Variants in HPSE2 observed in about 807,000 individuals in gnomAD.
HPSE2 encodes heparanase 2 (inactive), also known as inactive heparanase-2.
Under a neutral mutation model 60.5 loss-of-function variants are expected in HPSE2, and 38 were observed. The observed-to-expected ratio is 0.63, with a 90% CI of 0.48 to 0.82. The LOEUF (loss-of-function observed/expected upper bound fraction) is 0.82. Ranked by LOEUF, HPSE2 falls within the 40% of genes least tolerant of loss-of-function variation. The pLI, the probability that HPSE2 is intolerant of heterozygous loss-of-function variation, is 0.00. For synonymous variants in HPSE2, 295 were observed against 293.2 expected, an observed-to-expected ratio of 1.01 and a Z score of -0.06; for missense variants, 713 against 740.4, an observed-to-expected ratio of 0.96 and a Z score of 0.43.
the HPSE2 span, among the ~76,000 whole-genome samples, chr10:99,313,390 G>A: frequency 5.9e-5 from 9 of 152,130 alleles, no homozygotes; most frequent in Non-Finnish European, 1.5e-5. Flanking sequence ...CTGAAGATGT[G>A]AGAGAAGTGC....
rs563678544 is a variant in HPSE2 at position 98,869,805 on chromosome 10, C to T, written c.611-125749G>A. Among the ~76,000 whole-genome samples the T allele has an allele frequency of 3.3e-5, 5 of 152,256 alleles. No individual in the cohort carries two copies. The South Asian group carries it at 6.2e-4, about 19-fold the overall frequency. The stretch of plus-strand genomic sequence containing the variant: ...ATGGGCAAGTAATTTCTCTTTTCCT[C>T]TCAGCCATAGTTTCCTTCCGAAGTG... On this transcript the variant is annotated intron_variant, in intron 3 of 11. Transcript: ENST00000370552.
At chr10:98,864,912 G>A (rs1466922404) in intron 3 of HPSE2, among the ~76,000 whole-genome samples, 1 of 152,104 alleles carries the variant, frequency 6.6e-6, no homozygotes, top group Non-Finnish European at 1.5e-5. Context: ...ATGGCTTGCA[G>A]ACCATTTCCT....
chr10:99,013,954 C>G (rs1229694533), intron 3 of HPSE2: 3 of 419,524 alleles, frequency 7.2e-6, no homozygotes, highest in Non-Finnish European at 9.9e-6. Context: ...AATTCCCATT[C>G]TCGGGCAGTG....
intron 5 of HPSE2, among the ~76,000 whole-genome samples, chr10:98,694,645 T>C (rs1948164354): frequency 6.6e-6 from 1 of 152,228 alleles, no homozygotes; most frequent in South Asian, 2.1e-4. Flanking sequence ...TCTGTGTTTC[T>C]GGAGGCTTCA....
chr10:98,954,223 C>A (rs577227404), intron 3 of HPSE2, among the ~76,000 whole-genome samples: 1 of 152,038 alleles, frequency 6.6e-6, no homozygotes, highest in East Asian at 1.9e-4. Flanking sequence ...CAGGAGATCA[C>A]TTGAACCCGG....
At chr10:98,631,513 C>G (rs1203373718) in intron 7 of HPSE2, among the ~76,000 whole-genome samples, 1 of 152,178 alleles carries the variant, frequency 6.6e-6, no homozygotes, top group African/African-American at 2.4e-5. Flanking sequence ...GTCATAGGTT[C>G]CAGCAGCCTC....
chr10:98,711,465 A>G (rs937963898), intron 5 of HPSE2, among the ~76,000 whole-genome samples: 2 of 152,158 alleles, frequency 1.3e-5, no homozygotes, highest in African/African-American at 4.8e-5. Flanking sequence ...TCAGAAAAAT[A>G]GCATCACTGA....
At chr10:98,621,943 C>A in intron 7 of HPSE2, among the ~76,000 whole-genome samples, 1 of 152,204 alleles carries the variant, frequency 6.6e-6, no homozygotes, top group East Asian at 1.9e-4. Context: ...CAGCTATGCA[C>A]TAATGAGGCT....
At chr10:98,858,970 C>T (rs764384176) in intron 3 of HPSE2, among the ~76,000 whole-genome samples, 12 of 152,070 alleles carry the variant, frequency 7.9e-5, no homozygotes, top group Non-Finnish European at 1.5e-4. Context: ...ACTTTATTGC[C>T]CGGGCTGGAG....
At chr10:99,179,992 C>G (rs1450898729) in intron 2 of HPSE2, among the ~76,000 whole-genome samples, 1 of 152,070 alleles carries the variant, frequency 6.6e-6, no homozygotes, top group Non-Finnish European at 1.5e-5. Flanking sequence ...ACAAACCTGA[C>G]AAAAACAAGA....
rs116701257 is a variant in HPSE2 at position 98,483,144 on chromosome 10, T to C, written c.1467-362A>G. ...AAAAGAAAATTCCCCATAACCCTCA[T>C]ATCTTGAGATATGATAATATTTTGG... is the stretch of plus-strand genomic sequence containing the variant. On this transcript the variant is annotated intron_variant, in intron 10 of 11. Coordinates refer to ENST00000370552, the MANE Select transcript of HPSE2 (RefSeq NM_021828.5). Among the ~76,000 whole-genome samples, 392 of 152,332 alleles carry C rather than the reference T, an allele frequency of 2.6e-3. 3 individuals carry two copies. The highest frequency in any genetic ancestry group is 8.9e-3 in the African/African-American group (371 of 41,592).
At chr10:98,662,562 G>A (rs1947253162) in intron 6 of HPSE2, among the ~76,000 whole-genome samples, 1 of 152,168 alleles carries the variant, frequency 6.6e-6, no homozygotes, top group South Asian at 2.1e-4. Flanking sequence ...GAGAGTGAAG[G>A]ATGGGAGGAG....
chr10:98,663,283 C>T (rs1472334319), intron 6 of HPSE2, among the ~76,000 whole-genome samples: 1 of 151,944 alleles, frequency 6.6e-6, no homozygotes, highest in Non-Finnish European at 1.5e-5. Flanking sequence ...AACTTATATT[C>T]TAGAAGGAAC....
At chr10:99,136,457 A>C (rs918644680) in intron 3 of HPSE2, among the ~76,000 whole-genome samples, 2 of 152,200 alleles carry the variant, frequency 1.3e-5, no homozygotes, top group Non-Finnish European at 2.9e-5. Flanking sequence ...TTTCAGGCCA[A>C]TATCCCTGAT....
At chr10:99,114,542 GTT>G (rs1352820393) in intron 3 of HPSE2, among the ~76,000 whole-genome samples, 1 of 152,162 alleles carries the variant, frequency 6.6e-6, no homozygotes, top group Non-Finnish European at 1.5e-5. Context: ...CATGGAGGAA[GTT>G]CATTCTGAAA....
chr10:98,709,122 T>C (rs547025761), intron 5 of HPSE2, among the ~76,000 whole-genome samples: 2 of 152,240 alleles, frequency 1.3e-5, no homozygotes, highest in Non-Finnish European at 2.9e-5. Context: ...GATAGATTGT[T>C]CTGCTCTCTA....
chr10:98,589,359 G>A (rs568170098), intron 9 of HPSE2, among the ~76,000 whole-genome samples: 33 of 152,320 alleles, frequency 2.2e-4, no homozygotes, highest in African/African-American at 7.9e-4. Flanking sequence ...TCTCTTGAGT[G>A]TTCTTTCAGC....
At chr10:98,823,521 G>A (rs570552557) in intron 3 of HPSE2, among the ~76,000 whole-genome samples, 4 of 152,256 alleles carry the variant, frequency 2.6e-5, no homozygotes, top group Non-Finnish European at 5.9e-5. Context: ...AGCCACTCAG[G>A]AGGCTGAGGT....
the HPSE2 span, among the ~76,000 whole-genome samples, chr10:99,292,819 T>C: frequency 6.6e-6 from 1 of 152,200 alleles, no homozygotes; most frequent in Non-Finnish European, 1.5e-5. Context: ...ACATTTCCAG[T>C]GCTCACAAAC....
Sources: gnomAD v4.1 joint callset for allele counts (sites outside exome capture counted in the v4.1 genomes callset) on GRCh38, gnomAD v4.1.1 for gene constraint, MANE v1.5 for transcripts, NCBI Gene and HGNC (gene_info 2026-07-23, HGNC 2026-07-21) for gene names.